Variants in GRID2 observed in about 807,000 individuals in gnomAD.
The protein encoded by GRID2 is glutamate receptor ionotropic, delta-2.
GRID2 carries 33 observed loss-of-function variants against 114.8 expected under a neutral mutation model. That is an observed-to-expected ratio of 0.29 (90% CI 0.22 to 0.38). GRID2 has a LOEUF of 0.38. GRID2 is among the 10% of genes least tolerant of loss of function. The pLI, the probability that GRID2 is intolerant of heterozygous loss-of-function variation, is 1.00. For synonymous variants in GRID2, 505 were observed against 449.9 expected (o/e 1.12, Z -1.55); for missense variants, 1,184 against 1,257.7 (o/e 0.94, Z 0.89).
At chr4:92,943,305 T>C (rs1471531649) in intron 2 of GRID2, among the ~76,000 whole-genome samples, 1 of 151,752 alleles carries the variant, frequency 6.6e-6, no homozygotes, top group East Asian at 1.9e-4. Flanking sequence ...CTCTTCTCAC[T>C]TCATTTCATT....
intron 1 of GRID2, among the ~76,000 whole-genome samples, chr4:92,563,913 C>G (rs370307441): frequency 3.9e-5 from 6 of 151,974 alleles, no homozygotes; most frequent in African/African-American, 1.4e-4. Flanking sequence ...ACTTTTCTTA[C>G]GCTGTTCCTT....
At chr4:93,726,342 A>G (rs1302866627) in intron 14 of GRID2, among the ~76,000 whole-genome samples, 1 of 152,076 alleles carries the variant, frequency 6.6e-6, no homozygotes, top group Non-Finnish European at 1.5e-5. Context: ...CCATTGGTCT[A>G]TATCTCTGTT....
chr4:92,752,481 C>G (rs769137848), intron 2 of GRID2, among the ~76,000 whole-genome samples: 2 of 152,024 alleles, frequency 1.3e-5, no homozygotes, highest in African/African-American at 2.4e-5. Context: ...GTACAAAAGT[C>G]AAATTATCAG....
At chr4:92,690,984 A>G (rs1401914482) in intron 2 of GRID2, among the ~76,000 whole-genome samples, 1 of 152,146 alleles carries the variant, frequency 6.6e-6, no homozygotes, top group East Asian at 1.9e-4. Flanking sequence ...AGAGCAAAAT[A>G]CATTCCAAAA....
At chr4:93,435,171 A>G (rs762716373) in intron 10 of GRID2, among the ~76,000 whole-genome samples, 95 of 152,082 alleles carry the variant, frequency 6.2e-4, no homozygotes, top group Non-Finnish European at 1.0e-3. Context: ...GAGATTTCAT[A>G]TATTTGGTTT....
chr4:93,726,943 T>G (rs1426424170), intron 14 of GRID2, among the ~76,000 whole-genome samples: 3 of 152,364 alleles, frequency 2.0e-5, no homozygotes, highest in Non-Finnish European at 4.4e-5. Context: ...AGGGACAATT[T>G]GACTTCCTCT....
At chr4:92,405,701 T>A (rs1302534473) in intron 1 of GRID2, among the ~76,000 whole-genome samples, 1 of 145,174 alleles carries the variant, frequency 6.9e-6, no homozygotes, top group Non-Finnish European at 1.5e-5. Flanking sequence ...TAGGTAAAAG[T>A]TACATTCAGT....
chr4:93,558,256 A>C (rs1734518581), intron 13 of GRID2, among the ~76,000 whole-genome samples: 1 of 152,180 alleles, frequency 6.6e-6, no homozygotes, highest in African/African-American at 2.4e-5. Context: ...ACTGAAGGAG[A>C]AAGAGACACG....
chr4:93,040,146 T>C (rs144727979), intron 2 of GRID2, among the ~76,000 whole-genome samples: 52 of 152,208 alleles, frequency 3.4e-4, no homozygotes, highest in Admixed American at 8.5e-4. Flanking sequence ...ATAGGATAGA[T>C]AGAGCAAATA....
At chr4:93,228,333 G>A (rs753878128) in intron 7 of GRID2, among the ~76,000 whole-genome samples, 47 of 152,130 alleles carry the variant, frequency 3.1e-4, no homozygotes, top group Non-Finnish European at 5.7e-4. Context: ...CCAAACTCTT[G>A]TGACAATTAA....
intron 14 of GRID2, among the ~76,000 whole-genome samples, chr4:93,665,271 C>T (rs1308055692): frequency 6.6e-6 from 1 of 152,070 alleles, no homozygotes; most frequent in Admixed American, 6.6e-5. Flanking sequence ...TGGCTTTATT[C>T]CTTTGCAATT....
rs190903920 is a variant in GRID2, at chr4:92,950,629, A to C, written c.245-134366A>C. On this transcript the variant is annotated intron_variant, in intron 2 of 15. Transcript: ENST00000282020. ...AGTTCTTCATAGCATGCTTCTTCTC[A>C]CAGTGGTACCAACGAAGCATGGCAA... is the stretch of plus-strand genomic sequence containing the variant. Among the ~76,000 whole-genome samples the C allele has an allele frequency of 3.9e-5, 6 of 152,290 alleles. No homozygotes were observed. In the East Asian group the frequency reaches 1.2e-3, roughly 29 times the overall value.
intron 2 of GRID2, among the ~76,000 whole-genome samples, chr4:92,905,310 A>G (rs1747861818): frequency 6.6e-6 from 1 of 152,120 alleles, no homozygotes; most frequent in Non-Finnish European, 1.5e-5. Flanking sequence ...ACAAGTTTTA[A>G]GTTCCTAAAG....
Position 93,361,558 on chromosome 4 carries a change from G to A in GRID2, c.1246-34049G>A, listed in dbSNP as rs573596460. On this transcript the variant is annotated intron_variant, in intron 8 of 15. Coordinates refer to ENST00000282020, the MANE Select transcript of GRID2 (RefSeq NM_001510.4). ...ATCTCTCTGCTGAAATTTCCTATCT[G>A]GTCATGCATGTTGTCCACCTTTTTA... is the stretch of plus-strand genomic sequence containing the variant. Among the ~76,000 whole-genome samples, 13 of 151,280 alleles carry A rather than the reference G, an allele frequency of 8.6e-5. No homozygotes were observed. In the South Asian group the frequency reaches 2.7e-3, roughly 32 times the overall value.
chr4:93,554,282 GT>G (rs1365960555), intron 13 of GRID2, among the ~76,000 whole-genome samples: 3 of 151,956 alleles, frequency 2.0e-5, no homozygotes, highest in Non-Finnish European at 2.9e-5. Flanking sequence ...TGCAAACCTG[GT>G]TATAAAAGCC....
intron 2 of GRID2, among the ~76,000 whole-genome samples, chr4:92,846,434 T>A (rs1343991990): frequency 6.6e-6 from 1 of 152,166 alleles, no homozygotes; most frequent in Admixed American, 6.6e-5. Context: ...TGGTTTTCTG[T>A]TCCTGCATTA....
intron 2 of GRID2, among the ~76,000 whole-genome samples, chr4:92,629,243 A>G (rs890765235): frequency 1.4e-4 from 22 of 152,100 alleles, no homozygotes; most frequent in African/African-American, 4.8e-4. Flanking sequence ...GGTCAGTCCT[A>G]TGTCCTCAGA....
At chr4:92,347,889 G>A (rs117255475) in intron 1 of GRID2, among the ~76,000 whole-genome samples, 5,846 of 152,106 alleles carry the variant, frequency 0.038, 134 homozygotes, top group Middle Eastern at 0.058. Context: ...GTAATATTAC[G>A]TTTTATGAAA....
Position 93,608,968 on chromosome 4 carries a change from C to T in GRID2, c.2194-17301C>T, listed in dbSNP as rs890043163. 8.6e-4 allele frequency among the ~76,000 whole-genome samples: 104 copies of T among 121,546 alleles called. 11 individuals carry two copies. The highest frequency in any genetic ancestry group is 7.9e-4 in the Non-Finnish European group (44 of 55,436). 79.7% of individuals were successfully genotyped at this position (121,546 alleles called of 152,430 possible). A position where few individuals can be genotyped will look rare whatever the true frequency, so the allele number is the denominator to read the frequency against. On this transcript the variant is annotated intron_variant, in intron 13 of 15. Coordinates refer to ENST00000282020, the MANE Select transcript of GRID2 (RefSeq NM_001510.4). ...TCCTATTTCTCCACATCCTCTCCAG[C>T]ACCTGTTGTTTCCTGACTTTTTAAT...
Sources: gnomAD v4.1 joint callset for allele counts (sites outside exome capture counted in the v4.1 genomes callset) on GRCh38, gnomAD v4.1.1 for gene constraint, MANE v1.5 for transcripts, NCBI Gene and HGNC (gene_info 2026-07-23, HGNC 2026-07-21) for gene names.